Variants in PDE1A observed in about 807,000 individuals in gnomAD.
PDE1A encodes dual specificity calcium/calmodulin-dependent 3',5'-cyclic nucleotide phosphodiesterase 1A.
Under a neutral mutation model 61.7 loss-of-function variants are expected in PDE1A, and 35 were observed. The observed-to-expected ratio is 0.57, with a 90% CI of 0.43 to 0.75. The LOEUF is 0.75. Ranked by LOEUF, PDE1A falls within the 30% of genes least tolerant of loss-of-function variation. The probability of loss-of-function intolerance (pLI) is 0.00; values close to 1 mark genes in which losing one functional copy is unlikely to be tolerated. For synonymous variants in PDE1A, 232 were observed against 213.2 expected (o/e 1.09, Z -0.77); for missense variants, 597 against 630.6 (o/e 0.95, Z 0.57).
At position 182,211,065 on chromosome 2, in the gene PDE1A, C is replaced by G. The variant is rs574364204; in HGVS notation, c.777-5000G>C. Among the ~76,000 whole-genome samples, 518 of 152,256 alleles carry G rather than the reference C, an allele frequency of 3.4e-3. 2 individuals are homozygous for G. The highest frequency in any genetic ancestry group is 0.012 in the African/African-American group (504 of 41,568). On this transcript the variant is annotated intron_variant, in intron 7 of 13. Coordinates refer to ENST00000351439, the Ensembl canonical transcript of PDE1A. ...AGAGCAAACCCTCTCTGGCAAGCCC[C>G]ATTTTATAATGGCATTAATTTATTT...
chr2:182,149,191 T>C (rs745773512), intron 13 of PDE1A, among the ~76,000 whole-genome samples: 2 of 152,190 alleles, frequency 1.3e-5, no homozygotes, highest in Non-Finnish European at 2.9e-5. Flanking sequence ...AGTAATTAAC[T>C]AATTCACTGG....
chr2:182,352,497 A>G (rs1698940921), intron 1 of PDE1A, among the ~76,000 whole-genome samples: 1 of 152,254 alleles, frequency 6.6e-6, no homozygotes, highest in African/African-American at 2.4e-5. Context: ...GCTCAAATAT[A>G]AAATACTGAA....
chr2:182,687,966 G>A, the PDE1A span, among the ~76,000 whole-genome samples: 1 of 152,156 alleles, frequency 6.6e-6, no homozygotes, highest in Non-Finnish European at 1.5e-5. Context: ...AGTGAGAAGA[G>A]AAGTTTAGAG....
At chr2:182,449,214 C>G (rs550350425) in intron 2 of PDE1A, among the ~76,000 whole-genome samples, 1 of 151,438 alleles carries the variant, frequency 6.6e-6, no homozygotes, top group South Asian at 2.1e-4. Flanking sequence ...TCCCAAACAT[C>G]TAGGCTGACC....
At chr2:182,675,558 T>C in the PDE1A span, among the ~76,000 whole-genome samples, 22 of 152,196 alleles carry the variant, frequency 1.4e-4, 1 homozygote, top group African/African-American at 2.4e-5. Context: ...GTTGAACTAA[T>C]TTACACTCCC....
exon 15 of PDE1A, chr2:182,141,651 TG>T: frequency 6.6e-6 from 1 of 152,210 alleles, no homozygotes; most frequent in Non-Finnish European, 1.5e-5. Context: ...ATCTAAGTTG[TG>T]AGTTATAAAA....
At chr2:182,500,329 G>C (rs1236572395) in intron 2 of PDE1A, among the ~76,000 whole-genome samples, 1 of 152,180 alleles carries the variant, frequency 6.6e-6, no homozygotes, top group Admixed American at 6.5e-5. Context: ...GGTCAGTCAG[G>C]AGGGGGTGGC....
intron 1 of PDE1A, among the ~76,000 whole-genome samples, chr2:182,326,822 C>A (rs1469274663): frequency 2.0e-5 from 3 of 152,132 alleles, no homozygotes; most frequent in Non-Finnish European, 2.9e-5. Flanking sequence ...GGATTAGGAT[C>A]AGAGACTGGA....
chr2:182,179,440 T>C (rs1256147426), intron 13 of PDE1A, among the ~76,000 whole-genome samples: 1 of 152,160 alleles, frequency 6.6e-6, no homozygotes, highest in Non-Finnish European at 1.5e-5. Flanking sequence ...CAAAACTAAA[T>C]TATACATTGT....
intron 2 of PDE1A, among the ~76,000 whole-genome samples, chr2:182,443,956 G>T (rs1371541057): frequency 2.0e-5 from 3 of 151,964 alleles, no homozygotes; most frequent in Non-Finnish European, 4.4e-5. Context: ...GCCTACCTTG[G>T]CCTCCCAAAG....
At chr2:182,399,406 C>G (rs1026555450) in intron 1 of PDE1A, among the ~76,000 whole-genome samples, 1 of 151,938 alleles carries the variant, frequency 6.6e-6, no homozygotes, top group Non-Finnish European at 1.5e-5. Flanking sequence ...TGCTTCTAAT[C>G]CCCGGAAACT....
chr2:182,709,038 T>C, the PDE1A span, among the ~76,000 whole-genome samples: 2 of 152,190 alleles, frequency 1.3e-5, no homozygotes, highest in Non-Finnish European at 2.9e-5. Context: ...CATTTGAGTA[T>C]CTTTAGGCAA....
intron 2 of PDE1A, among the ~76,000 whole-genome samples, chr2:182,517,462 T>C (rs939118645): frequency 2.6e-5 from 4 of 152,206 alleles, no homozygotes; most frequent in Admixed American, 1.3e-4. Context: ...TTTTATTCAT[T>C]CATTGACTTA....
At chr2:182,461,104 G>A (rs1176763738) in intron 2 of PDE1A, among the ~76,000 whole-genome samples, 1 of 152,096 alleles carries the variant, frequency 6.6e-6, no homozygotes, top group Non-Finnish European at 1.5e-5. Context: ...AGACTTATTT[G>A]GCCATGGAAT....
At chr2:182,520,198 C>T (rs534793621) in intron 2 of PDE1A, among the ~76,000 whole-genome samples, 19 of 151,846 alleles carry the variant, frequency 1.3e-4, no homozygotes, top group African/African-American at 4.1e-4. Flanking sequence ...TACAAAAGAC[C>T]ATAATTAAAC....
chr2:182,202,586 C>T (rs1314161447), intron 8 of PDE1A, among the ~76,000 whole-genome samples: 2 of 152,138 alleles, frequency 1.3e-5, no homozygotes, highest in African/African-American at 4.8e-5. Context: ...GGTCCCACTT[C>T]CAAAGCAGAC....
intron 2 of PDE1A, among the ~76,000 whole-genome samples, chr2:182,257,165 C>T (rs932189125): frequency 2.6e-5 from 4 of 152,142 alleles, no homozygotes; most frequent in African/African-American, 9.7e-5. Flanking sequence ...AGCTCCATGC[C>T]TTGCCTTAAA....
chr2:182,185,897 G>A (rs1486781834), exon 13 of PDE1A: 3 of 1,613,754 alleles, frequency 1.9e-6, no homozygotes, highest in Admixed American at 3.3e-5. Flanking sequence ...ACTACCTTGT[G>A]CAGCTAACTC....
chr2:182,183,551 G>T (rs1183026322), intron 13 of PDE1A, among the ~76,000 whole-genome samples: 1 of 152,124 alleles, frequency 6.6e-6, no homozygotes, highest in East Asian at 1.9e-4. Flanking sequence ...TAGACTAGAT[G>T]AGGAGAGCCC....
Sources: gnomAD v4.1 joint callset for allele counts (sites outside exome capture counted in the v4.1 genomes callset) on GRCh38, gnomAD v4.1.1 for gene constraint, MANE v1.5 for transcripts, NCBI Gene and HGNC (gene_info 2026-07-23, HGNC 2026-07-21) for gene names.